FOXN3: variants seen among roughly 807,000 people sequenced by gnomAD.
FOXN3 encodes the protein forkhead box protein N3.
Under a neutral mutation model 38.4 loss-of-function variants are expected in FOXN3, and 7 were observed. The ratio of observed to expected loss-of-function variants is 0.18; its 90% CI spans 0.10 to 0.34. The LOEUF is 0.34. Ranked by LOEUF, FOXN3 falls within the 10% of genes least tolerant of loss-of-function variation. The pLI is 1.00. For missense variants in FOXN3, 456 were observed against 613.4 expected (o/e 0.74, Z 2.71); for synonymous variants, 230 against 242.2 (o/e 0.95, Z 0.47).
At chr14:89,583,913 G>A (rs1895794239) in intron 1 of FOXN3, among the ~76,000 whole-genome samples, 1 of 151,928 alleles carries the variant, frequency 6.6e-6, no homozygotes, top group South Asian at 2.1e-4. Context: ...TTGGAGTGCA[G>A]TGGTGTGATC....
At chr14:89,229,031 C>T (rs1884722707) in intron 4 of FOXN3, among the ~76,000 whole-genome samples, 1 of 152,124 alleles carries the variant, frequency 6.6e-6, no homozygotes, top group South Asian at 2.1e-4. Flanking sequence ...ATGAGAGAGC[C>T]TTGCACAACA....
Position 89,412,290 on chromosome 14 carries a change from G to A in FOXN3, c.187C>T (p.Leu63=), listed in dbSNP as rs141177421. 121 of 1,614,008 alleles carry A rather than the reference G, an allele frequency of 7.5e-5. No homozygotes were observed. The highest frequency in any genetic ancestry group is 9.9e-5 in the Non-Finnish European group (117 of 1,180,024). ...TTCTTGCTCTCGTGCAGCCAGTTCA[G>A]GTTGGTCAGCTCTTCATCTTCCATG... The part of the protein sequence containing the change: ...GAMEDEELTN[L]NWLHESKNLL... The change falls in exon 2 of 6, where the codon CTG becomes TTG. Residue 63 remains leucine, a synonymous_variant. Transcript: ENST00000557258. This position sits in a 1 kb window ranked among gnomAD's most constrained non-coding sequence, Gnocchi z 4.7.
chr14:89,348,665 TCC>T lies in FOXN3; in HGVS notation c.680+2005_680+2006del, dbSNP rs369339729. Reference sequence around the variant, plus strand: ...GGCAGAAGCAGAAACTGGTTTTTTTTCCCCCCTCAGTCAACTGGGGATAAAGG... The same window carrying T: ...GGCAGAAGCAGAAACTGGTTTTTTTTCCCCTCAGTCAACTGGGGATAAAGG... On this transcript the variant is annotated intron_variant, in intron 3 of 5. Coordinates refer to ENST00000557258, the MANE Select transcript of FOXN3 (RefSeq NM_005197.4). Among the ~76,000 whole-genome samples, 1,080 of 151,848 alleles carry T rather than the reference TCC, an allele frequency of 7.1e-3. 20 individuals are homozygous for T. Among genetic ancestry groups the T allele is most frequent in the African/African-American group, 0.025 (1,019 of 41,400 alleles).
intron 1 of FOXN3, among the ~76,000 whole-genome samples, chr14:89,435,510 C>T (rs897492952): frequency 4.6e-5 from 7 of 152,164 alleles, no homozygotes; most frequent in African/African-American, 7.2e-5. Flanking sequence ...GTCATCTCCA[C>T]GTCCATGGCG....
chr14:89,530,673 G>A (rs145374847), intron 1 of FOXN3, among the ~76,000 whole-genome samples: 4 of 151,240 alleles, frequency 2.6e-5, no homozygotes, highest in South Asian at 2.1e-4. Context: ...GCAGTGGCAC[G>A]ATCTTGGCTC....
At chr14:89,363,987 T>TATA (rs1890041958) in intron 2 of FOXN3, among the ~76,000 whole-genome samples, 1 of 67,172 alleles carries the variant, frequency 1.5e-5, no homozygotes, top group African/African-American at 7.7e-5. Flanking sequence ...TATATATATA[T>TATA]AATATATATA....
At chr14:89,207,393 T>A (rs1267576551) in intron 4 of FOXN3, among the ~76,000 whole-genome samples, 1 of 151,730 alleles carries the variant, frequency 6.6e-6, no homozygotes, top group African/African-American at 2.4e-5. Flanking sequence ...CAAACACCGA[T>A]GGGATAAATA....
intron 4 of FOXN3, among the ~76,000 whole-genome samples, chr14:89,223,911 GAT>G (rs1884550490): frequency 6.6e-6 from 1 of 152,224 alleles, no homozygotes; most frequent in South Asian, 2.1e-4. Flanking sequence ...TATCGATGCA[GAT>G]CAATGTATCA....
intron 3 of FOXN3, among the ~76,000 whole-genome samples, chr14:89,325,344 C>CACTACCACCACCACTACCACCACT (rs764499359): frequency 7.1e-6 from 1 of 140,756 alleles, no homozygotes; most frequent in Non-Finnish European, 1.5e-5. Context: ...CCACCACCAC[C>CACTACCACCACCACTACCACCACT]ACCACCACCA....
intron 3 of FOXN3, among the ~76,000 whole-genome samples, chr14:89,342,205 C>A (rs1888635941): frequency 6.6e-6 from 1 of 152,128 alleles, no homozygotes; most frequent in African/African-American, 2.4e-5. Context: ...TGACTCAGTA[C>A]CTGAGTAAAA....
chr14:89,350,933 G>A, intron 2 of FOXN3, 125 bp from the exon 3 acceptor site: 1 of 657,934 alleles, frequency 1.5e-6, no homozygotes, highest in East Asian at 3.4e-5. Flanking sequence ...CTGTTTGCCA[G>A]CCTTAAATAT....
Position 89,360,805 on chromosome 14 carries a change from GCACCACCTCCAC to G in FOXN3, c.544-10009_544-9998del, listed in dbSNP as rs1566966555. Reference sequence around the variant, plus strand: ...ACCACCTCCACCACCACCACCTCCAGCACCACCTCCACCACCACCTCCACCACTACCACCTCC... The same window carrying G: ...ACCACCTCCACCACCACCACCTCCAGCACCACCTCCACCACTACCACCTCC... On this transcript the variant is annotated intron_variant, in intron 2 of 5. Coordinates refer to ENST00000557258, the MANE Select transcript of FOXN3 (RefSeq NM_005197.4). Among the ~76,000 whole-genome samples the G allele has an allele frequency of 7.9e-4, 9 of 11,406 alleles. 1 individual carries two copies. The highest frequency in any genetic ancestry group is 1.7e-3 in the African/African-American group (3 of 1,790). 7.5% of individuals were successfully genotyped at this position (11,406 alleles called of 152,430 possible). A position where few individuals can be genotyped will look rare whatever the true frequency, so the allele number is the denominator to read the frequency against.
chr14:89,236,958 C>T (rs1202708488), intron 4 of FOXN3, among the ~76,000 whole-genome samples: 1 of 152,180 alleles, frequency 6.6e-6, no homozygotes. Flanking sequence ...CTTCTAAGAA[C>T]CTCTCTCTTC....
chr14:89,443,403 T>C (rs1049781316), intron 1 of FOXN3, among the ~76,000 whole-genome samples: 1 of 152,122 alleles, frequency 6.6e-6, no homozygotes, highest in Non-Finnish European at 1.5e-5. Flanking sequence ...GTTGTAGCCC[T>C]CCAGGACATG....
chr14:89,246,846 G>A (rs1246353508), intron 4 of FOXN3, among the ~76,000 whole-genome samples: 4 of 152,102 alleles, frequency 2.6e-5, no homozygotes, highest in Admixed American at 1.3e-4. Flanking sequence ...GCCGGATGCG[G>A]CTTTATGGCT....
At chr14:89,607,737 A>G (rs1042599626) in intron 1 of FOXN3, among the ~76,000 whole-genome samples, 5 of 152,112 alleles carry the variant, frequency 3.3e-5, no homozygotes, top group Middle Eastern at 3.2e-3. Flanking sequence ...ACTAAAATAG[A>G]ATGGAGTAGG....
At position 89,594,023 on chromosome 14, in the gene FOXN3, T is replaced by C. The variant is rs78769357; in HGVS notation, c.-15+25005A>G. 7.3e-3 allele frequency among the ~76,000 whole-genome samples: 1,104 copies of C among 152,192 alleles called. 21 individuals are homozygous for C. Among genetic ancestry groups the C allele is most frequent in the African/African-American group, 0.025 (1,040 of 41,574 alleles). On this transcript the variant is annotated intron_variant, in intron 1 of 6. Transcript: ENST00000345097. ...GAGACTCATCCAGGTTGTGTAGCTA[T>C]AGTTTGTTTTTATCGGTATGTCACT...
intron 1 of FOXN3, among the ~76,000 whole-genome samples, chr14:89,583,926 G>C (rs957901932): frequency 6.6e-6 from 1 of 151,346 alleles, no homozygotes; most frequent in Admixed American, 6.6e-5. Context: ...GTGTGATCTC[G>C]ACTCACTGCA....
At chr14:89,381,219 A>G (rs1890637243) in intron 2 of FOXN3, among the ~76,000 whole-genome samples, 1 of 151,678 alleles carries the variant, frequency 6.6e-6, no homozygotes, top group Admixed American at 6.6e-5. Context: ...CTTCTAAGAT[A>G]AATCACCACA....
Sources: allele counts gnomAD v4.1 joint callset (sites outside exome capture counted in the v4.1 genomes callset), GRCh38; gene constraint gnomAD v4.1.1; non-coding constraint Gnocchi (gnomAD v3.1); transcripts MANE v1.5; gene names NCBI Gene and HGNC (gene_info 2026-07-23, HGNC 2026-07-21).